Variants in CHP1 observed in about 807,000 individuals in gnomAD.
CHP1 encodes calcineurin like EF-hand protein 1.
A neutral mutation model predicts 27.4 loss-of-function variants in CHP1; 11 were observed. That is an observed-to-expected ratio of 0.40 (90% CI 0.25 to 0.67). The LOEUF (loss-of-function observed/expected upper bound fraction) is 0.67, where lower values mean the gene tolerates loss of function less well. CHP1 is among the 30% of genes least tolerant of loss of function. The pLI, the probability that CHP1 is intolerant of heterozygous loss-of-function variation, is 0.38. For missense variants in CHP1, 169 were observed against 251.3 expected (o/e 0.67, Z 2.22); for synonymous variants, 89 against 87.4 (o/e 1.02, Z -0.10).
At chr15:41,272,891 A>T (rs2047498151) in intron 5 of CHP1, among the ~76,000 whole-genome samples, 1 of 152,006 alleles carries the variant, frequency 6.6e-6, no homozygotes, top group South Asian at 2.1e-4. Context: ...CCCTGTCTCT[A>T]CTAAAAATAC....
intron 5 of CHP1, among the ~76,000 whole-genome samples, chr15:41,275,256 C>T (rs1181041251): frequency 6.6e-6 from 1 of 151,962 alleles, no homozygotes; most frequent in Non-Finnish European, 1.5e-5. Context: ...CTTCTGGGTT[C>T]AAGCGATTCT....
In CHP1 at chr15:41,280,505, A is replaced by ATTTTTTTTTTTTTT. The variant is rs34921023; in HGVS notation, c.*1130_*1143dup. ...GGAAGTGCCTAATATCCCAGTCCAA[A>ATTTTTTTTTTTTTT]TTTTTTTTTTTTTTTTTTTTTTTTT... is the stretch of plus-strand genomic sequence containing the variant. On this transcript the variant is annotated 3_prime_UTR_variant, in exon 7 of 7. Coordinates refer to ENST00000334660, the MANE Select transcript of CHP1 (RefSeq NM_007236.5). 2 of 111,340 alleles carry ATTTTTTTTTTTTTT rather than the reference A, an allele frequency of 1.8e-5. No homozygotes were observed. 6.9% of individuals were successfully genotyped at this position (111,340 alleles called of 1,614,324 possible). A position where few individuals can be genotyped will look rare whatever the true frequency, so the allele number is the denominator to read the frequency against.
At chr15:41,270,369 T>A (rs1001350723) in intron 4 of CHP1, among the ~76,000 whole-genome samples, 188 bp from the exon 5 acceptor site, 3 of 152,210 alleles carry the variant, frequency 2.0e-5, no homozygotes, top group Admixed American at 2.0e-4. Flanking sequence ...TCATCTAATC[T>A]AAGAACTCAT....
At chr15:41,250,090 T>TAAAAAAAAAA (rs77882380) in intron 2 of CHP1, among the ~76,000 whole-genome samples, 1 of 127,260 alleles carries the variant, frequency 7.9e-6, no homozygotes. Flanking sequence ...GGTGTTATGT[T>TAAAAAAAAAA]AAAAAAAAAA....
At chr15:41,272,056 G>A (rs1046085040) in intron 5 of CHP1, 2 of 152,026 alleles carry the variant, frequency 1.3e-5, no homozygotes, top group Non-Finnish European at 2.9e-5. Context: ...TCTTGTGAAA[G>A]TCCTGGTTGA....
chr15:41,278,016 T>C (rs1237954358), intron 5 of CHP1, among the ~76,000 whole-genome samples: 1 of 150,318 alleles, frequency 6.7e-6, no homozygotes, highest in Non-Finnish European at 1.5e-5. Context: ...AGTAAAAATA[T>C]GGTATTGTAA....
chr15:41,251,848 GC>G (rs2047368982), intron 2 of CHP1, among the ~76,000 whole-genome samples: 1 of 146,994 alleles, frequency 6.8e-6, no homozygotes, highest in Non-Finnish European at 1.5e-5. Flanking sequence ...TCCCTATGTT[GC>G]CCAGGCTGGT....
intron 5 of CHP1, among the ~76,000 whole-genome samples, chr15:41,275,356 TG>T (rs1429318355): frequency 6.6e-6 from 1 of 151,932 alleles, no homozygotes; most frequent in African/African-American, 2.4e-5. Context: ...GGTTTCACCA[TG>T]TTGGCTAGGC....
intron 3 of CHP1, among the ~76,000 whole-genome samples, chr15:41,262,394 A>G (rs2047438196): frequency 6.6e-6 from 1 of 152,128 alleles, no homozygotes; most frequent in African/African-American, 2.4e-5. Context: ...GGCTCGCTGC[A>G]GAGTTCAAAG....
At chr15:41,238,883 G>A (rs527450267) in intron 1 of CHP1, among the ~76,000 whole-genome samples, 2 of 152,072 alleles carry the variant, frequency 1.3e-5, no homozygotes, top group East Asian at 3.9e-4. Flanking sequence ...TTATATGCAC[G>A]GCCTTCTCTG....
chr15:41,263,312 C>A (rs1355672834), intron 4 of CHP1, among the ~76,000 whole-genome samples: 1 of 152,196 alleles, frequency 6.6e-6, no homozygotes, highest in Non-Finnish European at 1.5e-5. Flanking sequence ...CCAGGCCCCA[C>A]CTTTAAGGAA....
At chr15:41,247,989 A>AAATAAAAT (rs72474308) in intron 2 of CHP1, among the ~76,000 whole-genome samples, 3 of 149,896 alleles carry the variant, frequency 2.0e-5, no homozygotes, top group East Asian at 2.0e-4. Context: ...ATAAATAAAT[A>AAATAAAAT]AAATAAATAA....
chr15:41,264,831 A>T (rs1190124001), intron 4 of CHP1, among the ~76,000 whole-genome samples: 1 of 152,232 alleles, frequency 6.6e-6, no homozygotes, highest in Admixed American at 6.5e-5. Context: ...GTTGCAGTCT[A>T]TGTATAGGGA....
At chr15:41,263,576 T>C (rs1369714918) in intron 4 of CHP1, among the ~76,000 whole-genome samples, 1 of 152,196 alleles carries the variant, frequency 6.6e-6, no homozygotes, top group Non-Finnish European at 1.5e-5. Context: ...ATTACAGTTG[T>C]ATTAAAACTG....
In CHP1 at chr15:41,231,348, G is replaced by A. The variant is rs1284699553; in HGVS notation, c.-35G>A. 1 of 1,572,584 alleles carries A rather than the reference G, an allele frequency of 6.4e-7. No individual in the cohort carries two copies. The highest frequency in any genetic ancestry group is 1.9e-5 in the Admixed American group (1 of 52,318). ...TTCCCTCCTGTCGCCGTCTCTTCTGGCGCCGCTGCTCCCGGAGGAGCTCCC... is the reference window on the plus strand; with the variant it reads ...TTCCCTCCTGTCGCCGTCTCTTCTGACGCCGCTGCTCCCGGAGGAGCTCCC... On this transcript the variant is annotated 5_prime_UTR_variant, in exon 1 of 7. Coordinates refer to ENST00000334660, the MANE Select transcript of CHP1 (RefSeq NM_007236.5).
At chr15:41,275,863 G>A (rs900657332) in intron 5 of CHP1, among the ~76,000 whole-genome samples, 2 of 151,968 alleles carry the variant, frequency 1.3e-5, no homozygotes, top group Non-Finnish European at 2.9e-5. Flanking sequence ...TTACAGGTAT[G>A]CACCACCACG....
At chr15:41,248,754 A>T (rs986312454) in intron 2 of CHP1, among the ~76,000 whole-genome samples, 4 of 152,204 alleles carry the variant, frequency 2.6e-5, no homozygotes, top group Admixed American at 6.5e-5. Flanking sequence ...TCTCTACAAA[A>T]AATAAAAATA....
intron 2 of CHP1, among the ~76,000 whole-genome samples, chr15:41,247,172 C>T (rs898295477): frequency 2.0e-5 from 3 of 151,878 alleles, no homozygotes; most frequent in South Asian, 2.1e-4. Flanking sequence ...AGTTTGAGAT[C>T]GGCCTGGCCG....
Position 41,254,398 on chromosome 15 carries a change from G to A in CHP1, c.141-2512G>A, listed in dbSNP as rs183982759. On this transcript the variant is annotated intron_variant, in intron 2 of 6. Transcript: ENST00000334660. ...AATCAGCCTTAGTCTTAATTTAAAAGTGAGTAGTTATTGTTTCTTGACCTC... is the reference window on the plus strand; with the variant it reads ...AATCAGCCTTAGTCTTAATTTAAAAATGAGTAGTTATTGTTTCTTGACCTC... Among the ~76,000 whole-genome samples the A allele has an allele frequency of 2.3e-3, 354 of 152,340 alleles. 2 individuals are homozygous for A. The highest frequency in any genetic ancestry group is 3.1e-3 in the Non-Finnish European group (212 of 68,036).
Sources: gnomAD v4.1 joint callset for allele counts (sites outside exome capture counted in the v4.1 genomes callset) on GRCh38, gnomAD v4.1.1 for gene constraint, MANE v1.5 for transcripts, NCBI Gene and HGNC (gene_info 2026-07-23, HGNC 2026-07-21) for gene names.